LAMA2: variants seen among roughly 807,000 people sequenced by gnomAD.
LAMA2 encodes laminin subunit alpha 2.
In LAMA2, 269 loss-of-function variants were observed where a neutral mutation model predicts 364.8. That is an observed-to-expected ratio of 0.74 (90% CI 0.67 to 0.82). The LOEUF is 0.82. Ranked by LOEUF, LAMA2 falls within the 40% of genes least tolerant of loss-of-function variation. The pLI, the probability that LAMA2 is intolerant of heterozygous loss-of-function variation, is 0.00. For missense variants in LAMA2, 3,807 were observed against 3,873.2 expected (o/e 0.98, Z 0.45); for synonymous variants, 1,379 against 1,370.6 (o/e 1.01, Z -0.14).
intron 1 of LAMA2, among the ~76,000 whole-genome samples, chr6:128,948,080 C>T (rs953756057): frequency 6.6e-6 from 1 of 152,020 alleles, no homozygotes; most frequent in African/African-American, 2.4e-5. Flanking sequence ...GTGTATGTAG[C>T]CTAAATTCTT....
chr6:129,221,735 A>G (rs1208803724), intron 12 of LAMA2, among the ~76,000 whole-genome samples: 2 of 152,172 alleles, frequency 1.3e-5, no homozygotes, highest in Non-Finnish European at 2.9e-5. Flanking sequence ...AATTTTCTAG[A>G]TGTATATACT....
intron 9 of LAMA2, among the ~76,000 whole-genome samples, chr6:129,170,647 G>C (rs1780078779): frequency 6.6e-6 from 1 of 151,680 alleles, no homozygotes; most frequent in Non-Finnish European, 1.5e-5. Context: ...CTGTTGATTT[G>C]GGGTGGAGAG....
Position 128,940,562 on chromosome 6 carries a change from T to G in LAMA2, c.112+57205T>G, listed in dbSNP as rs181253509. Among the ~76,000 whole-genome samples, 27 of 152,314 alleles carry G rather than the reference T, an allele frequency of 1.8e-4. 1 individual carries two copies. In the East Asian group the frequency reaches 5.0e-3, roughly 28 times the overall value. ...TAATGCATTCATGAGTGAATAAAGA[T>G]TATATCATATTTTTGTGGTAAATAT... On this transcript the variant is annotated intron_variant, in intron 1 of 64. Coordinates refer to ENST00000421865, the MANE Select transcript of LAMA2 (RefSeq NM_000426.4).
chr6:128,991,202 G>T (rs1287240878), intron 1 of LAMA2, among the ~76,000 whole-genome samples: 1 of 152,110 alleles, frequency 6.6e-6, no homozygotes, highest in Non-Finnish European at 1.5e-5. Context: ...CTGCTGGGAA[G>T]CTTATTTTAT....
intron 4 of LAMA2, among the ~76,000 whole-genome samples, chr6:129,105,731 C>T (rs1057004226): frequency 5.9e-5 from 9 of 152,152 alleles, no homozygotes; most frequent in East Asian, 1.9e-4. Context: ...AAATAAACTT[C>T]GAACTAAAAC....
chr6:129,309,705 C>T (rs1410520060), intron 22 of LAMA2, among the ~76,000 whole-genome samples: 1 of 152,048 alleles, frequency 6.6e-6, no homozygotes, highest in Non-Finnish European at 1.5e-5. Flanking sequence ...AGTTACTTGG[C>T]GGTGAGGTTA....
At chr6:129,322,099 A>G (rs777539128) in intron 28 of LAMA2, among the ~76,000 whole-genome samples, 8 of 152,316 alleles carry the variant, frequency 5.3e-5, no homozygotes, top group Middle Eastern at 3.4e-3. Flanking sequence ...AAGTTTATAA[A>G]ATAACTGCAA....
At chr6:129,349,057 C>T (rs1231518853) in intron 30 of LAMA2, among the ~76,000 whole-genome samples, 1 of 152,078 alleles carries the variant, frequency 6.6e-6, no homozygotes, top group African/African-American at 2.4e-5. Flanking sequence ...AGAATATTAA[C>T]ATGCTTTGTG....
At chr6:129,372,315 T>C (rs9492311) in intron 34 of LAMA2, among the ~76,000 whole-genome samples, 3,249 of 152,318 alleles carry the variant, frequency 0.021, 117 homozygotes, top group African/African-American at 0.075. Context: ...TACCTCCCTC[T>C]TCCTTGACCC....
chr6:128,957,836 A>ATTTTTTTTTTT (rs10652900), intron 1 of LAMA2, among the ~76,000 whole-genome samples: 3 of 51,268 alleles, frequency 5.9e-5, no homozygotes, highest in African/African-American at 1.6e-4. Flanking sequence ...TACTTCATGC[A>ATTTTTTTTTTT]TTTTTTTTTT....
chr6:129,317,614 TTA>T (rs1774693246), intron 27 of LAMA2, among the ~76,000 whole-genome samples: 1 of 152,128 alleles, frequency 6.6e-6, no homozygotes, highest in African/African-American at 2.4e-5. Flanking sequence ...AAAAATATAC[TTA>T]AAAAACGCTG....
Position 129,456,341 on chromosome 6 carries a change from G to A in LAMA2, c.6714G>A (p.Gly2238=). Residue 2238 remains glycine (G), a synonymous_variant, in exon 48 of 65, where the codon GGG becomes GGA. Transcript: ENST00000421865. ...YWYRIVASRT[G]RNGTISVRAL... ...TCAACACGTACCCTTGAAGAACTGG[G>A]AGAAATGGAACTATTTCTGTGAGAG... 6.2e-7 allele frequency: 1 copy of A among 1,613,334 alleles called. No homozygotes were observed. Among genetic ancestry groups the A allele is most frequent in the Non-Finnish European group, 8.5e-7 (1 of 1,179,478 alleles).
intron 4 of LAMA2, among the ~76,000 whole-genome samples, chr6:129,100,116 C>T (rs185147713): frequency 5.3e-5 from 8 of 152,256 alleles, no homozygotes; most frequent in African/African-American, 1.7e-4. Context: ...ATGTAACATG[C>T]GTGTCACAAG....
At chr6:129,299,173 A>G (rs1773391453) in intron 21 of LAMA2, among the ~76,000 whole-genome samples, 2 of 152,014 alleles carry the variant, frequency 1.3e-5, no homozygotes, top group South Asian at 2.1e-4. Flanking sequence ...CAGGAAGAAT[A>G]GTAATATGAC....
intron 4 of LAMA2, among the ~76,000 whole-genome samples, chr6:129,117,175 T>C (rs1776528055): frequency 6.6e-6 from 1 of 152,204 alleles, no homozygotes; most frequent in East Asian, 1.9e-4. Flanking sequence ...ACGAACATTT[T>C]ATTAGCAATG....
chr6:129,051,825 A>T (rs951742306), intron 2 of LAMA2, among the ~76,000 whole-genome samples: 6 of 151,888 alleles, frequency 4.0e-5, no homozygotes, highest in African/African-American at 1.4e-4. Flanking sequence ...CCATTGGTTC[A>T]GAGACTGGTG....
At chr6:129,284,027 T>C (rs1398545258) in intron 18 of LAMA2, among the ~76,000 whole-genome samples, 1 of 152,144 alleles carries the variant, frequency 6.6e-6, no homozygotes, top group East Asian at 1.9e-4. Context: ...CAGTTTACCC[T>C]CTTCTTTTCC....
At chr6:129,391,373 A>G in intron 35 of LAMA2, 118 bp from the exon 36 acceptor site, 1 of 852,700 alleles carries the variant, frequency 1.2e-6, no homozygotes, top group Non-Finnish European at 2.0e-6. Context: ...CCCAGCAGGA[A>G]CACTCACGGC....
At chr6:129,249,788 G>A (rs1786041120) in intron 12 of LAMA2, among the ~76,000 whole-genome samples, 1 of 152,122 alleles carries the variant, frequency 6.6e-6, no homozygotes, top group African/African-American at 2.4e-5. Context: ...TTTGGGATTT[G>A]TAAAGCTCAA....
Sources: gnomAD v4.1 joint callset for allele counts (sites outside exome capture counted in the v4.1 genomes callset) on GRCh38, gnomAD v4.1.1 for gene constraint, MANE v1.5 for transcripts, NCBI Gene and HGNC (gene_info 2026-07-23, HGNC 2026-07-21) for gene names.